PEBP4: variants seen among roughly 807,000 people sequenced by gnomAD.
PEBP4 encodes phosphatidylethanolamine binding protein 4.
Under a neutral mutation model 23.9 loss-of-function variants are expected in PEBP4, and 22 were observed. The ratio of observed to expected loss-of-function variants is 0.92; its 90% CI spans 0.66 to 1.31. The LOEUF (loss-of-function observed/expected upper bound fraction) is 1.31. Among genes scored for constraint, PEBP4 ranks in the 40% most tolerant of loss-of-function variants. The pLI is 0.00. For synonymous variants in PEBP4, 112 were observed against 99.3 expected, an observed-to-expected ratio of 1.13 and a Z score of -0.76; for missense variants, 324 against 281.7, an observed-to-expected ratio of 1.15 and a Z score of -1.07.
chr8:22,907,781 G>A (rs190500652), intron 3 of PEBP4, among the ~76,000 whole-genome samples: 11 of 152,300 alleles, frequency 7.2e-5, no homozygotes, highest in East Asian at 1.9e-4. Context: ...TATGCTGGGC[G>A]TTGAGGCAGG....
At chr8:22,727,307 CAGG>C in intron 4 of PEBP4, 87 bp from the exon 5 acceptor site, 1 of 1,326,402 alleles carries the variant, frequency 7.5e-7, no homozygotes, top group Non-Finnish European at 1.1e-6. Context: ...TCTCTCTCTG[CAGG>C]AGGAGGATGG....
chr8:22,713,731 C>G (rs995609435), intron 6 of PEBP4, among the ~76,000 whole-genome samples, 195 bp from the exon 7 acceptor site: 24 of 152,210 alleles, frequency 1.6e-4, no homozygotes, highest in African/African-American at 5.5e-4. Flanking sequence ...AGCCTCTGAA[C>G]AGCAGCAGAG....
chr8:22,784,306 C>G (rs1805985544), intron 4 of PEBP4, among the ~76,000 whole-genome samples: 1 of 152,166 alleles, frequency 6.6e-6, no homozygotes, highest in Non-Finnish European at 1.5e-5. Flanking sequence ...GCGTAGAACA[C>G]ACAGCACACT....
At chr8:22,832,114 T>C (rs1807096016) in intron 3 of PEBP4, among the ~76,000 whole-genome samples, 1 of 152,176 alleles carries the variant, frequency 6.6e-6, no homozygotes. Flanking sequence ...TGGGTCAGCA[T>C]GGCACAAAAG....
chr8:22,851,506 G>T (rs1476725641), intron 3 of PEBP4, among the ~76,000 whole-genome samples: 1 of 152,136 alleles, frequency 6.6e-6, no homozygotes, highest in Non-Finnish European at 1.5e-5. Context: ...GACAGAGAAG[G>T]AAACTGAGCT....
At chr8:22,912,405 T>A (rs912740297) in intron 3 of PEBP4, among the ~76,000 whole-genome samples, 2 of 152,152 alleles carry the variant, frequency 1.3e-5, no homozygotes, top group Non-Finnish European at 1.5e-5. Context: ...AGTGAATACA[T>A]GAATGACTGA....
intron 3 of PEBP4, among the ~76,000 whole-genome samples, chr8:22,871,843 C>T (rs61409974): frequency 0.049 from 7,513 of 152,064 alleles, 440 homozygotes; most frequent in African/African-American, 0.14. Context: ...TGAGCCACCG[C>T]GCCTGCCCTG....
At chr8:22,903,113 A>T (rs552908600) in intron 3 of PEBP4, among the ~76,000 whole-genome samples, 1 of 152,330 alleles carries the variant, frequency 6.6e-6, no homozygotes, top group South Asian at 2.1e-4. Flanking sequence ...CTACTCCCAT[A>T]GCTTAAGCAA....
At chr8:22,815,390 G>A (rs1295294878) in intron 4 of PEBP4, among the ~76,000 whole-genome samples, 2 of 152,166 alleles carry the variant, frequency 1.3e-5, no homozygotes, top group African/African-American at 4.8e-5. Context: ...CTGCCAATTC[G>A]AATGCACTCA....
rs527457257 is a variant in PEBP4 at position 22,859,989 on chromosome 8, C to T, written c.259-42254G>A. 7.9e-5 allele frequency among the ~76,000 whole-genome samples: 12 copies of T among 151,202 alleles called. No homozygotes were observed. The South Asian group carries it at 1.0e-3, about 13-fold the overall frequency. On this transcript the variant is annotated intron_variant, in intron 3 of 6. Transcript: ENST00000256404. ...AAAATTAGCTGGGTATGATGGTGCA[C>T]GCCTAAAGTCTCAGCTACTCTGGAG...
intron 3 of PEBP4, among the ~76,000 whole-genome samples, chr8:22,855,478 G>A (rs916557551): frequency 6.6e-5 from 10 of 152,130 alleles, no homozygotes; most frequent in African/African-American, 2.2e-4. Flanking sequence ...TAGATGTGGG[G>A]TCTGTGTCAT....
intron 3 of PEBP4, among the ~76,000 whole-genome samples, chr8:22,854,335 A>G (rs1441506881): frequency 6.6e-6 from 1 of 152,190 alleles, no homozygotes; most frequent in Non-Finnish European, 1.5e-5. Flanking sequence ...CAAAATATGT[A>G]TATTCACTAC....
intron 3 of PEBP4, among the ~76,000 whole-genome samples, chr8:22,875,142 C>G (rs1168590970): frequency 6.6e-6 from 1 of 151,926 alleles, no homozygotes. Context: ...GCCCTCGGAG[C>G]CAGCTGTGCT....
chr8:22,753,866 G>A (rs578171183), intron 4 of PEBP4, among the ~76,000 whole-genome samples: 1 of 152,352 alleles, frequency 6.6e-6, no homozygotes, highest in South Asian at 2.1e-4. Context: ...CGCCTGGACA[G>A]CTGTGCGGGG....
intron 4 of PEBP4, among the ~76,000 whole-genome samples, chr8:22,765,116 TCTTCCTTC>T (rs113133723): frequency 7.6e-4 from 110 of 145,008 alleles, no homozygotes; most frequent in South Asian, 1.6e-3. Flanking sequence ...TTCCTTTATT[TCTTCCTTC>T]CTTCCTTCCT....
At chr8:22,732,354 T>C (rs989842201) in intron 4 of PEBP4, among the ~76,000 whole-genome samples, 3 of 151,856 alleles carry the variant, frequency 2.0e-5, no homozygotes, top group Non-Finnish European at 4.4e-5. Context: ...AGCTGAACAA[T>C]GAGAACACAT....
intron 2 of PEBP4, among the ~76,000 whole-genome samples, chr8:22,922,112 C>T (rs1809214839): frequency 6.6e-6 from 1 of 152,226 alleles, no homozygotes; most frequent in African/African-American, 2.4e-5. Flanking sequence ...AAGGACAGGG[C>T]ACATGCCAGG....
intron 3 of PEBP4, among the ~76,000 whole-genome samples, chr8:22,882,558 C>T (rs1808285906): frequency 2.0e-5 from 3 of 152,162 alleles, no homozygotes; most frequent in South Asian, 2.1e-4. Flanking sequence ...GAAAAGGGAC[C>T]GTGGCTCCCG....
chr8:22,750,307 G>T lies in PEBP4; in HGVS notation c.358-23087C>A, dbSNP rs539798784. Among the ~76,000 whole-genome samples the T allele has an allele frequency of 1.5e-4, 23 of 151,004 alleles. No homozygotes were observed. In the East Asian group the frequency reaches 3.3e-3, roughly 22 times the overall value. Reference sequence around the variant, plus strand: ...AGTAGAGACGGGGTTTCACCACTTTGGTCAGGCTGGTCTCAAACCCCTGAC... The same window carrying T: ...AGTAGAGACGGGGTTTCACCACTTTTGTCAGGCTGGTCTCAAACCCCTGAC... On this transcript the variant is annotated intron_variant, in intron 4 of 6. Transcript: ENST00000256404.
Sources: allele counts gnomAD v4.1 joint callset (sites outside exome capture counted in the v4.1 genomes callset), GRCh38; gene constraint gnomAD v4.1.1; transcripts MANE v1.5; gene names NCBI Gene and HGNC (gene_info 2026-07-23, HGNC 2026-07-21).